The following CACNA2D3 variants were observed in gnomAD, a reference collection of about 807,000 sequenced individuals.
CACNA2D3 encodes calcium voltage-gated channel auxiliary subunit alpha2delta 3.
In CACNA2D3, 60 loss-of-function variants were observed where a neutral mutation model predicts 160.6. The observed-to-expected ratio is 0.37, with a 90% CI of 0.30 to 0.46. The LOEUF is 0.46. Ranked by LOEUF, CACNA2D3 falls within the 20% of genes least tolerant of loss-of-function variation. The pLI is 1.00. For missense variants in CACNA2D3, 1,205 were observed against 1,365.0 expected (o/e 0.88, Z 1.85); for synonymous variants, 558 against 492.9 (o/e 1.13, Z -1.75).
chr3:54,779,838 A>G (rs1702498391), intron 13 of CACNA2D3, among the ~76,000 whole-genome samples: 1 of 152,208 alleles, frequency 6.6e-6, no homozygotes, highest in Admixed American at 6.5e-5. Context: ...TATCTTAATT[A>G]GGTGCTTTGA....
chr3:54,814,872 T>A (rs7637469), intron 13 of CACNA2D3, among the ~76,000 whole-genome samples: 82,417 of 152,028 alleles, frequency 0.54, 22,954 homozygotes, highest in Non-Finnish European at 0.61. Flanking sequence ...TCCAGCAGTT[T>A]GTGCAGGGCT....
chr3:55,040,408 C>G (rs564084378), intron 35 of CACNA2D3, among the ~76,000 whole-genome samples: 1 of 152,122 alleles, frequency 6.6e-6, no homozygotes, highest in African/African-American at 2.4e-5. Context: ...ATTCAAATAT[C>G]CATATCAATA....
intron 4 of CACNA2D3, among the ~76,000 whole-genome samples, chr3:54,391,516 C>CTT (rs758458509): frequency 7.0e-6 from 1 of 142,066 alleles, no homozygotes; most frequent in African/African-American, 2.6e-5. Flanking sequence ...TTCTTTCTTT[C>CTT]TTTTTTTTTT....
At chr3:54,681,528 G>C (rs1364005058) in intron 11 of CACNA2D3, among the ~76,000 whole-genome samples, 2 of 147,848 alleles carry the variant, frequency 1.4e-5, no homozygotes, top group Non-Finnish European at 3.0e-5. Flanking sequence ...CTGCACTCCA[G>C]CCTGGGCGAC....
At chr3:54,593,724 G>T (rs1191496314) in intron 9 of CACNA2D3, among the ~76,000 whole-genome samples, 1 of 152,138 alleles carries the variant, frequency 6.6e-6, no homozygotes, top group East Asian at 1.9e-4. Context: ...CACATGAGCT[G>T]ATTTGTGCTT....
chr3:54,623,283 GGAT>G (rs1699031383), intron 9 of CACNA2D3, among the ~76,000 whole-genome samples: 2 of 152,328 alleles, frequency 1.3e-5, no homozygotes, highest in South Asian at 4.1e-4. Flanking sequence ...TGCGGTGGCA[GGAT>G]GATTGCTGGC....
chr3:54,805,759 T>A (rs1703105694), intron 13 of CACNA2D3, among the ~76,000 whole-genome samples: 1 of 152,166 alleles, frequency 6.6e-6, no homozygotes, highest in Admixed American at 6.5e-5. Context: ...AAAAAGAGAA[T>A]TTTAGACCAA....
intron 31 of CACNA2D3, among the ~76,000 whole-genome samples, chr3:55,003,210 G>A (rs1703020422): frequency 6.6e-6 from 1 of 152,144 alleles, no homozygotes; most frequent in African/African-American, 2.4e-5. Context: ...ATGTATTAAA[G>A]TGTTTAAAAT....
chr3:54,402,923 C>G (rs1329211075), intron 4 of CACNA2D3, among the ~76,000 whole-genome samples: 2 of 152,100 alleles, frequency 1.3e-5, no homozygotes, highest in East Asian at 3.9e-4. Flanking sequence ...GGAATCATAT[C>G]AAGTATTATT....
intron 2 of CACNA2D3, among the ~76,000 whole-genome samples, chr3:54,178,731 T>C (rs1700721528): frequency 6.6e-6 from 1 of 152,190 alleles, no homozygotes; most frequent in Admixed American, 6.5e-5. Context: ...AAATAAAAAC[T>C]GATGTCCTTT....
intron 35 of CACNA2D3, among the ~76,000 whole-genome samples, chr3:55,024,377 G>A (rs868412011): frequency 1.3e-5 from 2 of 151,956 alleles, no homozygotes; most frequent in South Asian, 2.1e-4. Flanking sequence ...ATAAGGCTAT[G>A]GTCTGAATGT....
At chr3:54,305,421 C>T (rs565154591) in intron 2 of CACNA2D3, among the ~76,000 whole-genome samples, 17 of 152,316 alleles carry the variant, frequency 1.1e-4, no homozygotes, top group Admixed American at 1.0e-3. Flanking sequence ...GCAGAACAGC[C>T]AGAGAAACTC....
chr3:54,483,230 C>T (rs1312910975), intron 4 of CACNA2D3, among the ~76,000 whole-genome samples: 1 of 152,080 alleles, frequency 6.6e-6, no homozygotes, highest in Non-Finnish European at 1.5e-5. Context: ...GAGCTTGTTG[C>T]GTAAGTCTAA....
chr3:54,706,157 C>CAA lies in CACNA2D3; in HGVS notation c.1168-46441_1168-46440insAA, dbSNP rs772440138. Among the ~76,000 whole-genome samples, 117 of 152,296 alleles carry CAA rather than the reference C, an allele frequency of 7.7e-4. 3 individuals carry two copies. The highest frequency in any genetic ancestry group is 2.4e-4 in the Non-Finnish European group (16 of 68,026). ...GCATTTGCGTGAAGACCCAGCAGTGCACTATTTTGATGTATCCAAGTAAAG... is the reference window on the plus strand; with the variant it reads ...GCATTTGCGTGAAGACCCAGCAGTGCAAACTATTTTGATGTATCCAAGTAAAG... On this transcript the variant is annotated intron_variant, in intron 11 of 37. Coordinates refer to ENST00000474759, the MANE Select transcript of CACNA2D3 (RefSeq NM_018398.3).
At chr3:54,223,427 A>C (rs1476358400) in intron 2 of CACNA2D3, among the ~76,000 whole-genome samples, 1 of 152,204 alleles carries the variant, frequency 6.6e-6, no homozygotes, top group Non-Finnish European at 1.5e-5. Context: ...AAGATGGTAC[A>C]CCTGTATAGG....
chr3:54,545,428 T>G (rs1045417912), intron 5 of CACNA2D3, among the ~76,000 whole-genome samples: 1 of 152,248 alleles, frequency 6.6e-6, no homozygotes, highest in Admixed American at 6.5e-5. Flanking sequence ...TATGTATGGC[T>G]TGCTTGGTTT....
rs548743685 is a variant in CACNA2D3, at chr3:55,005,004, G to A, written c.2766+166G>A. Among the ~76,000 whole-genome samples the A allele has an allele frequency of 6.5e-4, 98 of 151,730 alleles. 1 individual carries two copies. The South Asian group carries it at 0.01, about 16-fold the overall frequency. On this transcript the variant is annotated intron_variant, in intron 32 of 37. Transcript: ENST00000474759. The stretch of plus-strand genomic sequence containing the variant: ...AAAAAAAACACTTCAGGCCGGGCGC[G>A]GCAGCTCATGCCCGTAATCCCAGCA...
chr3:54,786,052 A>AC (rs1218233135), intron 13 of CACNA2D3, among the ~76,000 whole-genome samples: 1 of 152,008 alleles, frequency 6.6e-6, no homozygotes, highest in Non-Finnish European at 1.5e-5. Flanking sequence ...GCTAACACTT[A>AC]CCTAATCTTT....
chr3:54,959,155 T>G (rs918880884), intron 27 of CACNA2D3, among the ~76,000 whole-genome samples: 1 of 152,208 alleles, frequency 6.6e-6, no homozygotes, highest in African/African-American at 2.4e-5. Flanking sequence ...GTTTTTCAAA[T>G]GAACTGTCTG....
Sources: gnomAD v4.1 joint callset for allele counts (sites outside exome capture counted in the v4.1 genomes callset) on GRCh38, gnomAD v4.1.1 for gene constraint, MANE v1.5 for transcripts, NCBI Gene and HGNC (gene_info 2026-07-23, HGNC 2026-07-21) for gene names.